ICE1: variants seen among roughly 807,000 people sequenced by gnomAD.
ICE1 encodes interactor of little elongation complex ELL subunit 1.
Under a neutral mutation model 192.7 loss-of-function variants are expected in ICE1, and 64 were observed. That is an observed-to-expected ratio of 0.33 (90% CI 0.27 to 0.41). The LOEUF (loss-of-function observed/expected upper bound fraction) is 0.41. Among genes scored for constraint, ICE1 ranks in the 10% least tolerant of loss-of-function variants. The probability of loss-of-function intolerance (pLI) is 1.00; values close to 1 mark genes in which losing one functional copy is unlikely to be tolerated. For synonymous variants in ICE1, 1,010 were observed against 984.5 expected, an observed-to-expected ratio of 1.03 and a Z score of -0.49; for missense variants, 2,708 against 2,696.0, an observed-to-expected ratio of 1.00 and a Z score of -0.10.
intron 17 of ICE1, among the ~76,000 whole-genome samples, chr5:5,482,769 C>A (rs1330990141): frequency 7.7e-6 from 1 of 129,062 alleles, no homozygotes; most frequent in Non-Finnish European, 1.6e-5. Flanking sequence ...AACACCCCCA[C>A]CCCCCAACAC....
chr5:5,438,286 CCAG>C (rs1737938281), intron 3 of ICE1, among the ~76,000 whole-genome samples: 1 of 152,192 alleles, frequency 6.6e-6, no homozygotes, highest in Non-Finnish European at 1.5e-5. Context: ...AGGTTCCACC[CCAG>C]CACCTGGGAA....
intron 5 of ICE1, 121 bp downstream of exon 5, chr5:5,441,344 C>T: frequency 3.2e-6 from 2 of 632,968 alleles, no homozygotes; most frequent in Non-Finnish European, 2.8e-6. Flanking sequence ...TCAAGACTCT[C>T]AGTGTATTAT....
chr5:5,465,286 G>A, intron 13 of ICE1, 60 bp downstream of exon 13: 2 of 1,238,522 alleles, frequency 1.6e-6, no homozygotes, highest in African/African-American at 1.5e-5. Flanking sequence ...GACAGATGCT[G>A]TTTACTGTCA....
Position 5,468,949 on chromosome 5 carries a change from G to A in ICE1, c.6183G>A (p.Glu2061=), listed in dbSNP as rs377636575. The change falls in exon 15 of 19, where the codon GAG becomes GAA. Residue 2061 remains glutamate (E), a synonymous_variant. Coordinates refer to ENST00000296564, the MANE Select transcript of ICE1 (RefSeq NM_015325.3). ...TTGCCAGGCAACGTGCTAAAGGAGA[G>A]GTTCTGAACTGCTTGAGAGCTTTTC... ...QLVARQRAKG[E]VLNCLRAFLN... The A allele has an allele frequency of 1.3e-6, 2 of 1,571,202 alleles. No individual in the cohort carries two copies. Among genetic ancestry groups the A allele is most frequent in the Non-Finnish European group, 1.7e-6 (2 of 1,161,884 alleles).
intron 16 of ICE1, among the ~76,000 whole-genome samples, 168 bp downstream of exon 16, chr5:5,473,916 A>T (rs1159139546): frequency 6.6e-6 from 1 of 152,184 alleles, no homozygotes; most frequent in African/African-American, 2.4e-5. Context: ...TACCCTTAAG[A>T]TACCTTCATC....
rs1261171766 is a variant in ICE1 at position 5,462,089 on chromosome 5, G to A, written c.2755G>A (p.Ala919Thr). The A allele has an allele frequency of 1.2e-6, 2 of 1,613,864 alleles. No individual in the cohort carries two copies. Among genetic ancestry groups the A allele is most frequent in the Non-Finnish European group, 1.7e-6 (2 of 1,179,810 alleles). Residue 919 changes from alanine (A) to threonine (T), a missense_variant, in exon 13 of 19, where the codon GCT becomes ACT. Transcript: ENST00000296564. Reference protein sequence around the residue: ...DDTTQNITEVAAVKSISPEVS... With the variant: ...DDTTQNITEVTAVKSISPEVS... ...TACAACACAAAACATCACGGAGGTG[G>A]CTGCTGTGAAAAGCATTTCACCAGA...
chr5:5,437,164 T>G (rs1007063531), intron 3 of ICE1, 50 bp downstream of exon 3: 2 of 1,372,524 alleles, frequency 1.5e-6, no homozygotes, highest in Admixed American at 4.0e-5. Context: ...AACTTATGTT[T>G]AATTCCTGAA....
In ICE1 at chr5:5,460,861, C is replaced by T. The variant is rs1357177583; in HGVS notation, c.1527C>T (p.Cys509=). 6.2e-7 allele frequency: 1 copy of T among 1,613,924 alleles called. No individual in the cohort carries two copies. Among genetic ancestry groups the T allele is most frequent in the Admixed American group, 1.7e-5 (1 of 60,004 alleles). The change falls in exon 13 of 19, where the codon TGC becomes TGT. Residue 509 remains cysteine, a synonymous_variant. Transcript: ENST00000296564. ...KTIHKLTRGL[C]IERLSASPAQ... Reference sequence around the variant, plus strand: ...TTCATAAACTCACTCGAGGTCTATGCATTGAGAGATTGTCTGCCAGCCCTG... The same window carrying T: ...TTCATAAACTCACTCGAGGTCTATGTATTGAGAGATTGTCTGCCAGCCCTG...
Position 5,461,034 on chromosome 5 carries a change from C to G in ICE1, c.1700C>G (p.Thr567Arg). Residue 567 changes from threonine to arginine, a missense_variant, in exon 13 of 19, where the codon ACA becomes AGA. Transcript: ENST00000296564. ...CCCAAATCAGAGTTTACTAAGTGGACACGAATTAATGAAATCACTTCTGAA... is the reference window on the plus strand; with the variant it reads ...CCCAAATCAGAGTTTACTAAGTGGAGACGAATTAATGAAATCACTTCTGAA... ...GSPKSEFTKW[T>R]RINEITSEPD... is the part of the protein sequence containing the mutation. The G allele has an allele frequency of 6.2e-7, 1 of 1,614,028 alleles. No individual in the cohort carries two copies. Among genetic ancestry groups the G allele is most frequent in the Non-Finnish European group, 8.5e-7 (1 of 1,179,894 alleles).
In ICE1 at chr5:5,489,582, C is replaced by T. The variant is rs944318655; in HGVS notation, c.*252C>T. The T allele has an allele frequency of 3.2e-6, 1 of 308,720 alleles. No individual in the cohort carries two copies. Among genetic ancestry groups the T allele is most frequent in the Non-Finnish European group, 5.8e-6 (1 of 171,250 alleles). The allele number at this position is 308,720 out of a possible 1,614,324, so 19.1% of individuals were successfully genotyped here. A position where few individuals can be genotyped will look rare whatever the true frequency, so the allele number is the denominator to read the frequency against. On this transcript the variant is annotated 3_prime_UTR_variant, in exon 19 of 19. Coordinates refer to ENST00000296564, the MANE Select transcript of ICE1 (RefSeq NM_015325.3). ...TGACATATGGGTTATATTATTGTGTCTTTGTCAAACAACAAAAACTTGAAC... is the reference window on the plus strand; with the variant it reads ...TGACATATGGGTTATATTATTGTGTTTTTGTCAAACAACAAAAACTTGAAC...
chr5:5,440,411 A>G (rs1416725798), intron 4 of ICE1, among the ~76,000 whole-genome samples: 1 of 152,218 alleles, frequency 6.6e-6, no homozygotes, highest in Non-Finnish European at 1.5e-5. Flanking sequence ...CTCAGGACTC[A>G]AGATTGGAAC....
In ICE1 at chr5:5,468,895, A is replaced by T. The variant is rs763480316; in HGVS notation, c.6129A>T (p.Gln2043His). The change falls in exon 15 of 19, where the codon CAA becomes CAT. Residue 2043 changes from glutamine to histidine, a missense_variant. Around this residue, in one of 2 missense-constraint regions of ICE1, gnomAD observed 342 missense variants for 419.3 expected, o/e 0.82. Coordinates refer to ENST00000296564, the MANE Select transcript of ICE1 (RefSeq NM_015325.3). ...TGTGGCATGATATATTTCTCTCTCA[A>T]TCGGTGATTAATAAAGCAATGCAGT... ...ANMWHDIFLS[Q>H]SVINKAMQLV... 1 of 1,606,996 alleles carries T rather than the reference A, an allele frequency of 6.2e-7. No homozygotes were observed. Among genetic ancestry groups the T allele is most frequent in the South Asian group, 1.1e-5 (1 of 89,462 alleles).
chr5:5,467,224 T>A (rs1397481347), intron 14 of ICE1, among the ~76,000 whole-genome samples: 1 of 152,160 alleles, frequency 6.6e-6, no homozygotes. Context: ...CAGTCATTCA[T>A]TCAACAAATC....
chr5:5,459,555 C>T (rs999318576), intron 12 of ICE1, among the ~76,000 whole-genome samples: 2 of 152,010 alleles, frequency 1.3e-5, no homozygotes, highest in Non-Finnish European at 1.5e-5. Context: ...CCTGGGGAAC[C>T]GTCCCTATGT....
rs1430318324 is a variant in ICE1, at chr5:5,462,602, C to T, written c.3268C>T (p.Leu1090=). The change falls in exon 13 of 19, where the codon CTG becomes TTG. Residue 1090 remains leucine, a synonymous_variant. Transcript: ENST00000296564. ...GACACAGGATACCTCCCAAAGTAGC[C>T]TGCCTGGTACCTTACATTGTTACAC... ...GETQDTSQSS[L]PGTLHCYTGI... is the part of the protein sequence containing the mutation. The T allele has an allele frequency of 6.2e-7, 1 of 1,613,958 alleles. No homozygotes were observed. Among genetic ancestry groups the T allele is most frequent in the East Asian group, 2.2e-5 (1 of 44,880 alleles).
At chr5:5,458,061 T>C (rs1283413906) in intron 12 of ICE1, among the ~76,000 whole-genome samples, 1 of 152,214 alleles carries the variant, frequency 6.6e-6, no homozygotes, top group African/African-American at 2.4e-5. Context: ...AAACACATAT[T>C]TGTATACATG....
chr5:5,439,784 T>C (rs1257921378), intron 3 of ICE1, 111 bp from the exon 4 acceptor site: 7 of 630,206 alleles, frequency 1.1e-5, no homozygotes, highest in Non-Finnish European at 1.9e-5. Flanking sequence ...TTTATGATCT[T>C]GCCTGTATAT....
At chr5:5,467,966 C>T (rs1393595830) in intron 14 of ICE1, among the ~76,000 whole-genome samples, 2 of 152,130 alleles carry the variant, frequency 1.3e-5, no homozygotes, top group Admixed American at 6.5e-5. Context: ...AACTAGCACG[C>T]GGATGTAACA....
chr5:5,466,549 T>A, intron 14 of ICE1, 47 bp downstream of exon 14: 1 of 1,463,096 alleles, frequency 6.8e-7, no homozygotes, highest in Non-Finnish European at 9.3e-7. Flanking sequence ...TACGATTGCC[T>A]TTTTCCCTTA....
Sources: gnomAD v4.1 joint callset for allele counts (sites outside exome capture counted in the v4.1 genomes callset) on GRCh38, gnomAD v4.1.1 for gene constraint, gnomAD v4.1.1 regional missense constraint, MANE v1.5 for transcripts, NCBI Gene and HGNC (gene_info 2026-07-23, HGNC 2026-07-21) for gene names.